Variants in TBC1D14 observed in about 807,000 individuals in gnomAD.
The protein encoded by TBC1D14 is TBC1 domain family member 14, also known as TBC1 domain family, member 14.
Under a neutral mutation model 79.0 loss-of-function variants are expected in TBC1D14, and 26 were observed. The ratio of observed to expected loss-of-function variants is 0.33; its 90% CI spans 0.24 to 0.46. TBC1D14 has a LOEUF of 0.46. TBC1D14 is among the 20% of genes least tolerant of loss of function. The probability of loss-of-function intolerance (pLI) is 1.00; values close to 1 mark genes in which losing one functional copy is unlikely to be tolerated. For synonymous variants in TBC1D14, 394 were observed against 349.9 expected, an observed-to-expected ratio of 1.13 and a Z score of -1.40; for missense variants, 769 against 887.6, an observed-to-expected ratio of 0.87 and a Z score of 1.70.
chr4:6,918,772 C>T (rs1723603225), intron 1 of TBC1D14, among the ~76,000 whole-genome samples: 1 of 152,192 alleles, frequency 6.6e-6, no homozygotes. Flanking sequence ...ATTCTAATGA[C>T]CTTGACATTG....
At chr4:6,995,449 T>C (rs1368293151) in intron 4 of TBC1D14, 1 of 152,196 alleles carries the variant, frequency 6.6e-6, no homozygotes, top group East Asian at 1.9e-4. Context: ...ATTAAGTGTT[T>C]ATCACTGTTG....
chr4:6,989,507 T>C (rs1718264782), intron 3 of TBC1D14, among the ~76,000 whole-genome samples: 1 of 152,212 alleles, frequency 6.6e-6, no homozygotes, highest in Non-Finnish European at 1.5e-5. Flanking sequence ...AAGCTTCCCA[T>C]GTCCCCCTGG....
At chr4:6,952,270 T>C (rs895258045) in intron 2 of TBC1D14, among the ~76,000 whole-genome samples, 4 of 152,234 alleles carry the variant, frequency 2.6e-5, no homozygotes, top group Admixed American at 2.6e-4. Flanking sequence ...GTTCCATAGG[T>C]CTGGGTGGGA....
chr4:6,999,156 G>A lies in TBC1D14; in HGVS notation c.1117G>A (p.Ala373Thr). ...CAGAGTCGAGGAAAGCATTGGAAACGCTGTGCTCACCTGGAATAATGAGAT... is the reference window on the plus strand; with the variant it reads ...CAGAGTCGAGGAAAGCATTGGAAACACTGTGCTCACCTGGAATAATGAGAT... Reference protein sequence around the residue: ...RCRVEESIGNAVLTWNNEILP... With the variant: ...RCRVEESIGNTVLTWNNEILP... Residue 373 changes from alanine to threonine, a missense_variant, in exon 6 of 14, where the codon GCT (alanine) becomes ACT (threonine). Ala to Thr is a moderately conservative substitution (Grantham distance 58). Transcript: ENST00000409757. 1 of 1,614,128 alleles carries A rather than the reference G, an allele frequency of 6.2e-7. No individual in the cohort carries two copies. Among genetic ancestry groups the A allele is most frequent in the Non-Finnish European group, 8.5e-7 (1 of 1,180,002 alleles).
At chr4:6,978,738 TAAAAAAA>T (rs59534721) in intron 3 of TBC1D14, among the ~76,000 whole-genome samples, 8 of 108,466 alleles carry the variant, frequency 7.4e-5, no homozygotes, top group East Asian at 2.7e-4. Flanking sequence ...AATGATCAAT[TAAAAAAA>T]AAAAAAAAAA....
At chr4:7,029,810 G>C (rs1722863216) in intron 13 of TBC1D14, among the ~76,000 whole-genome samples, 1 of 152,198 alleles carries the variant, frequency 6.6e-6, no homozygotes, top group Admixed American at 6.5e-5. Flanking sequence ...GGGTGACAGA[G>C]CGAGACTCCA....
chr4:7,002,885 G>A (rs975350580), intron 7 of TBC1D14, among the ~76,000 whole-genome samples: 1 of 152,158 alleles, frequency 6.6e-6, no homozygotes, highest in Non-Finnish European at 1.5e-5. Flanking sequence ...GTGCGACCTT[G>A]ACCTCATTTT....
chr4:6,967,203 C>G (rs898450861), intron 2 of TBC1D14, 101 bp from the exon 3 acceptor site: 20 of 1,448,830 alleles, frequency 1.4e-5, no homozygotes, highest in Non-Finnish European at 1.8e-5. Context: ...GTACGTGGTT[C>G]TCAGAGGAAA....
At chr4:7,010,522 G>GAT in intron 10 of TBC1D14, 131 bp from the exon 11 acceptor site, 1 of 1,114,242 alleles carries the variant, frequency 9.0e-7, no homozygotes, top group South Asian at 1.7e-5. Context: ...GCGTTGGGTG[G>GAT]CCGGAGGAGT....
At chr4:6,922,160 C>T (rs56268690) in intron 1 of TBC1D14, among the ~76,000 whole-genome samples, 12,087 of 152,092 alleles carry the variant, frequency 0.079, 636 homozygotes, top group African/African-American at 0.15. Context: ...CTCAAGTGAT[C>T]CTCCCACCTC....
intron 7 of TBC1D14, chr4:7,001,491 G>T: frequency 4.3e-6 from 2 of 470,352 alleles, no homozygotes; most frequent in Non-Finnish European, 7.7e-6. Context: ...GGAAGACAGG[G>T]CTTAGAGCAT....
chr4:6,997,132 C>G (rs983151374), intron 5 of TBC1D14: 1 of 152,330 alleles, frequency 6.6e-6, no homozygotes, highest in African/African-American at 2.4e-5. Flanking sequence ...GCGTCCCTCC[C>G]GAAGCTGTGT....
At chr4:6,922,678 C>CTTA (rs1168914865) in intron 1 of TBC1D14, among the ~76,000 whole-genome samples, 1 of 152,072 alleles carries the variant, frequency 6.6e-6, no homozygotes, top group Non-Finnish European at 1.5e-5. Flanking sequence ...AGATCCTTGA[C>CTTA]TTATGTATGG....
intron 8 of TBC1D14, among the ~76,000 whole-genome samples, chr4:7,005,196 T>A (rs1322163310): frequency 6.6e-6 from 1 of 152,006 alleles, no homozygotes; most frequent in Admixed American, 6.6e-5. Context: ...GGTCAGGAGT[T>A]TGAGACCAGC....
intron 3 of TBC1D14, among the ~76,000 whole-genome samples, chr4:6,984,225 T>C (rs1717624787): frequency 6.6e-6 from 1 of 152,194 alleles, no homozygotes; most frequent in Admixed American, 6.5e-5. Context: ...CATGTCTTTG[T>C]CTCTCTGAGC....
rs538972596 is a variant in TBC1D14, at chr4:6,958,376, T to TATACACACACACACACACACACAC, written c.723-8927_723-8926insTACACACACACACACACACACACA. ...GGGTGATACACGTGATCCCCACATATACACACACACACACACACACACACA... is the reference window on the plus strand; with the variant it reads ...GGGTGATACACGTGATCCCCACATATATACACACACACACACACACACACACACACACACACACACACACACACA... On this transcript the variant is annotated intron_variant, in intron 2 of 13. Transcript: ENST00000409757. Among the ~76,000 whole-genome samples the TATACACACACACACACACACACAC allele has an allele frequency of 7.3e-3, 1,091 of 149,190 alleles. 6 individuals carry two copies. Among genetic ancestry groups the TATACACACACACACACACACACAC allele is most frequent in the African/African-American group, 0.012 (470 of 40,074 alleles).
intron 2 of TBC1D14, among the ~76,000 whole-genome samples, chr4:6,941,800 A>C (rs1350841097): frequency 6.6e-6 from 1 of 152,216 alleles, no homozygotes; most frequent in Non-Finnish European, 1.5e-5. Flanking sequence ...GTGTTCATGG[A>C]ACTTCCTCAG....
intron 13 of TBC1D14, among the ~76,000 whole-genome samples, 162 bp from the exon 14 acceptor site, chr4:7,030,165 G>A (rs1404179792): frequency 6.6e-6 from 1 of 152,198 alleles, no homozygotes; most frequent in Non-Finnish European, 1.5e-5. Flanking sequence ...ATGTTGGAAA[G>A]ACCACGAAGG....
intron 12 of TBC1D14, among the ~76,000 whole-genome samples, chr4:7,024,719 G>A (rs111295984): frequency 2.8e-3 from 423 of 152,318 alleles, no homozygotes; most frequent in Non-Finnish European, 3.6e-3. Flanking sequence ...CCCCCACAGC[G>A]TGAGCACACA....
Sources: gnomAD v4.1 joint callset for allele counts (sites outside exome capture counted in the v4.1 genomes callset) on GRCh38, gnomAD v4.1.1 for gene constraint, MANE v1.5 for transcripts, NCBI Gene and HGNC (gene_info 2026-07-23, HGNC 2026-07-21) for gene names.